Variants in BLOC1S5 observed in about 807,000 individuals in gnomAD.
BLOC1S5 encodes biogenesis of lysosomal organelles complex 1 subunit 5.
Under a neutral mutation model 24.3 loss-of-function variants are expected in BLOC1S5, and 27 were observed. The observed-to-expected ratio is 1.11, with a 90% confidence interval of 0.82 to 1.53. The LOEUF (loss-of-function observed/expected upper bound fraction) is 1.53. Among genes scored for constraint, BLOC1S5 ranks in the 40% most tolerant of loss-of-function variants. The probability of loss-of-function intolerance (pLI) is 0.00; values close to 1 mark genes in which losing one functional copy is unlikely to be tolerated. For missense variants in BLOC1S5, 239 were observed against 229.4 expected (o/e 1.04, Z -0.27); for synonymous variants, 84 against 74.5 (o/e 1.13, Z -0.66).
Position 8,046,251 on chromosome 6 carries a change from C to T in BLOC1S5, c.196-4983G>A, listed in dbSNP as rs565006115. Among the ~76,000 whole-genome samples the T allele has an allele frequency of 3.3e-5, 5 of 152,256 alleles. No homozygotes were observed. The East Asian group carries it at 5.8e-4, about 18-fold the overall frequency. ...CTGCCACCATGTAAGAAGTGCCTTT[C>T]GCCAGCCACCATGATTCTGAGTCCT... On this transcript the variant is annotated intron_variant, in intron 2 of 4. Coordinates refer to ENST00000397457, the MANE Select transcript of BLOC1S5 (RefSeq NM_201280.3).
intron 3 of BLOC1S5, among the ~76,000 whole-genome samples, chr6:8,037,868 C>T (rs1455152018): frequency 1.3e-5 from 2 of 152,110 alleles, no homozygotes; most frequent in South Asian, 2.1e-4. Context: ...CAAGAACATA[C>T]AATGGGGAAA....
chr6:8,020,230 C>T (rs1762872421), intron 4 of BLOC1S5, among the ~76,000 whole-genome samples: 1 of 152,066 alleles, frequency 6.6e-6, no homozygotes, highest in East Asian at 1.9e-4. Flanking sequence ...GACATGGAGA[C>T]CTACAACATC....
chr6:8,063,067 TA>T (rs1197550584), intron 1 of BLOC1S5, among the ~76,000 whole-genome samples: 2 of 151,986 alleles, frequency 1.3e-5, no homozygotes, highest in Admixed American at 6.6e-5. Flanking sequence ...ATAAATATAA[TA>T]AAAAAGCAAG....
At position 8,041,257 on chromosome 6, in the gene BLOC1S5, A is replaced by T. The variant is rs1763669808; in HGVS notation, c.207T>A (p.Gly69=). The change falls in exon 3 of 5, where the codon GGT becomes GGA. Residue 69 remains glycine, a synonymous_variant. Transcript: ENST00000397457. ...YFVKEFEEKR[G]LREMRVLENL... ...TTTCAAGAACTCGCATTTCTCGAAG[A>T]CCACGTTTTTCCTATTAAAAGAAAG... 3.1e-6 allele frequency: 5 copies of T among 1,607,142 alleles called. No individual in the cohort carries two copies. Among genetic ancestry groups the T allele is most frequent in the Non-Finnish European group, 2.5e-6 (3 of 1,177,158 alleles).
At chr6:8,059,956 TA>T (rs1399136410) in intron 2 of BLOC1S5, among the ~76,000 whole-genome samples, 1 of 152,246 alleles carries the variant, frequency 6.6e-6, no homozygotes, top group Admixed American at 6.5e-5. Context: ...GGCATATCAT[TA>T]CTTCCTGATA....
intron 2 of BLOC1S5, among the ~76,000 whole-genome samples, chr6:8,048,901 T>C (rs1764002294): frequency 6.6e-6 from 1 of 151,156 alleles, no homozygotes; most frequent in Non-Finnish European, 1.5e-5. Context: ...TAATACCAGC[T>C]ACTCAGGAGG....
intron 4 of BLOC1S5, among the ~76,000 whole-genome samples, chr6:8,017,332 T>C (rs1762777167): frequency 6.6e-6 from 1 of 151,928 alleles, no homozygotes; most frequent in South Asian, 2.1e-4. Flanking sequence ...GAGCCGAGAC[T>C]GCACCACTGA....
At chr6:8,027,897 C>T (rs1420965686) in intron 3 of BLOC1S5, among the ~76,000 whole-genome samples, 1 of 151,840 alleles carries the variant, frequency 6.6e-6, no homozygotes, top group African/African-American at 2.4e-5. Context: ...TTGTACTATC[C>T]CTAAAGAAAA....
intron 3 of BLOC1S5, among the ~76,000 whole-genome samples, chr6:8,036,130 A>G (rs984389079): frequency 2.0e-5 from 3 of 152,222 alleles, no homozygotes; most frequent in Admixed American, 1.3e-4. Context: ...CCAATGAGTC[A>G]GGGAAGAAAT....
chr6:8,053,263 G>A (rs919149102), intron 2 of BLOC1S5, among the ~76,000 whole-genome samples: 11 of 152,170 alleles, frequency 7.2e-5, no homozygotes, highest in Non-Finnish European at 1.2e-4. Flanking sequence ...AAAAAACTTC[G>A]ACTGTGGGTA....
rs1762649884 is a variant in BLOC1S5, at chr6:8,013,692, C to T, written c.*1957G>A. The stretch of plus-strand genomic sequence containing the variant: ...ACACACAATCTTAATTTCTTGGTTA[C>T]AGCATTCGTTCAATGATGTGTTGGC... On this transcript the variant is annotated 3_prime_UTR_variant, in exon 5 of 5. Coordinates refer to ENST00000397457, the MANE Select transcript of BLOC1S5 (RefSeq NM_201280.3). 6.6e-6 allele frequency: 1 copy of T among 152,204 alleles called. No individual in the cohort carries two copies. The highest frequency in any genetic ancestry group is 2.4e-5 in the African/African-American group (1 of 41,458). 9.4% of individuals were successfully genotyped at this position (152,204 alleles called of 1,614,324 possible).
chr6:8,016,742 T>C (rs1762750272), intron 4 of BLOC1S5, among the ~76,000 whole-genome samples: 1 of 151,732 alleles, frequency 6.6e-6, no homozygotes, highest in Admixed American at 6.6e-5. Context: ...GGCGTGCACC[T>C]GTGATCCCAG....
At chr6:8,041,388 C>T in intron 2 of BLOC1S5, 120 bp from the exon 3 acceptor site, 2 of 961,996 alleles carry the variant, frequency 2.1e-6, no homozygotes, top group East Asian at 3.0e-5. Context: ...TCTCAGCTCA[C>T]TGCAACCTCC....
At chr6:8,020,621 T>G (rs892983242) in intron 4 of BLOC1S5, among the ~76,000 whole-genome samples, 1 of 152,142 alleles carries the variant, frequency 6.6e-6, no homozygotes. Context: ...CCCCTAAAAC[T>G]TCTGAGTGAG....
chr6:8,023,764 T>C (rs17143303), intron 4 of BLOC1S5, among the ~76,000 whole-genome samples: 2,920 of 152,324 alleles, frequency 0.019, 87 homozygotes, highest in African/African-American at 0.066. Context: ...TTGCTTTGTT[T>C]ACATTGGCTA....
intron 2 of BLOC1S5, among the ~76,000 whole-genome samples, chr6:8,043,480 C>T (rs1361976338): frequency 1.3e-5 from 2 of 151,952 alleles, no homozygotes; most frequent in African/African-American, 4.8e-5. Flanking sequence ...AACAGACAAA[C>T]CCAGATTGGA....
chr6:8,024,448 G>A (rs1430579210), intron 4 of BLOC1S5, among the ~76,000 whole-genome samples: 1 of 149,608 alleles, frequency 6.7e-6, no homozygotes, highest in Non-Finnish European at 1.5e-5. Context: ...AACCTGGGAG[G>A]CAGCGATTGC....
intron 2 of BLOC1S5, among the ~76,000 whole-genome samples, 178 bp downstream of exon 2, chr6:8,062,356 T>C (rs1228202386): frequency 6.6e-6 from 1 of 152,204 alleles, no homozygotes; most frequent in African/African-American, 2.4e-5. Flanking sequence ...ATCCTGCTGT[T>C]TAGTATGGAA....
chr6:8,022,571 T>TAAAACAATGTACAAGCCATG (rs1561855021), intron 4 of BLOC1S5, among the ~76,000 whole-genome samples: 1 of 82,866 alleles, frequency 1.2e-5, no homozygotes, highest in African/African-American at 4.7e-5. Context: ...AAACTCTATT[T>TAAAACAATGTACAAGCCATG]TTTTTTTCTT....
Sources: allele counts gnomAD v4.1 joint callset (sites outside exome capture counted in the v4.1 genomes callset), GRCh38; gene constraint gnomAD v4.1.1; transcripts MANE v1.5; gene names NCBI Gene and HGNC (gene_info 2026-07-23, HGNC 2026-07-21).